Variants in ASPH observed in about 807,000 individuals in gnomAD.
ASPH encodes the protein aspartate beta-hydroxylase, also known as aspartyl/asparaginyl beta-hydroxylase.
In ASPH, 100 loss-of-function variants were observed where a neutral mutation model predicts 118.4. That is an observed-to-expected ratio of 0.84 (90% CI 0.72 to 1.00). ASPH has a LOEUF of 1.00. Among genes scored for constraint, ASPH ranks in the 50% least tolerant of loss-of-function variants. The pLI is 0.00. For synonymous variants in ASPH, 315 were observed against 325.6 expected (o/e 0.97, Z 0.35); for missense variants, 920 against 919.5 (o/e 1.00, Z -0.01).
rs994567903 is a variant in ASPH at position 61,501,650 on chromosome 8, T to C, written c.*1709A>G. 1 of 152,196 alleles carries C rather than the reference T, an allele frequency of 6.6e-6. No individual in the cohort carries two copies. The highest frequency in any genetic ancestry group is 2.4e-5 in the African/African-American group (1 of 41,454). 9.4% of individuals were successfully genotyped at this position (152,196 alleles called of 1,614,324 possible). A position where few individuals can be genotyped will look rare whatever the true frequency, so the allele number is the denominator to read the frequency against. On this transcript the variant is annotated 3_prime_UTR_variant, in exon 25 of 25. Transcript: ENST00000379454. ...AAACACCTTTTTACTTTTCAAGAGT[T>C]TGCCTTCTCTTCTCGATTTTAGTAA...
At chr8:61,605,186 T>C (rs561363605) in intron 14 of ASPH, among the ~76,000 whole-genome samples, 24 of 152,202 alleles carry the variant, frequency 1.6e-4, no homozygotes, top group South Asian at 8.3e-4. Context: ...CTTAAAGACA[T>C]TGGAATGTCA....
intron 14 of ASPH, among the ~76,000 whole-genome samples, chr8:61,601,085 A>G (rs1441394714): frequency 1.3e-5 from 2 of 151,366 alleles, no homozygotes; most frequent in Non-Finnish European, 2.9e-5. Flanking sequence ...CAGAACTTTA[A>G]AATCCATGAA....
At chr8:61,709,880 G>A (rs1290496740) in intron 1 of ASPH, among the ~76,000 whole-genome samples, 1 of 152,200 alleles carries the variant, frequency 6.6e-6, no homozygotes, top group Non-Finnish European at 1.5e-5. Context: ...TACACCTCCA[G>A]AAGCTGAGAG....
intron 21 of ASPH, among the ~76,000 whole-genome samples, chr8:61,546,249 C>T (rs1340662838): frequency 6.6e-6 from 1 of 152,166 alleles, no homozygotes; most frequent in African/African-American, 2.4e-5. Context: ...CGAAGTCTGC[C>T]CTACTGCTAG....
At chr8:61,588,183 T>C (rs1840025404) in intron 14 of ASPH, among the ~76,000 whole-genome samples, 1 of 152,230 alleles carries the variant, frequency 6.6e-6, no homozygotes, top group African/African-American at 2.4e-5. Flanking sequence ...TTGTTTTGTT[T>C]TTAAATCACT....
chr8:61,602,078 G>A (rs1222111366), intron 14 of ASPH, among the ~76,000 whole-genome samples: 1 of 151,276 alleles, frequency 6.6e-6, no homozygotes, highest in Non-Finnish European at 1.5e-5. Flanking sequence ...TTCTTAAAGA[G>A]AAGGGGTTGT....
intron 3 of ASPH, chr8:61,663,826 G>A (rs1370906274): frequency 9.2e-6 from 9 of 981,326 alleles, no homozygotes; most frequent in South Asian, 9.4e-5. Flanking sequence ...ACTAAATGTC[G>A]TAAAGTATTT....
Position 61,665,189 on chromosome 8 carries a change from C to CT in ASPH, c.323-11530dup, listed in dbSNP as rs1818901723. ...TCAGAGCAATATTACATTTTCCATG[C>CT]TTTTTTGTAACAAACTGCAATCTGG... On this transcript the variant is annotated intron_variant, in intron 3 of 24. Transcript: ENST00000379454. 1.1e-5 allele frequency: 17 copies of CT among 1,518,892 alleles called. No individual in the cohort carries two copies. In the South Asian group the frequency reaches 2.3e-4, roughly 21 times the overall value. 94.1% of individuals were successfully genotyped at this position (1,518,892 alleles called of 1,614,324 possible).
intron 21 of ASPH, among the ~76,000 whole-genome samples, chr8:61,533,761 T>C (rs1818446365): frequency 6.6e-6 from 1 of 152,212 alleles, no homozygotes; most frequent in Admixed American, 6.5e-5. Context: ...GTTTCTGCTG[T>C]CTTAGATCTG....
At position 61,680,972 on chromosome 8, in the gene ASPH, TA is replaced by T; in HGVS notation, c.317del (p.Leu106TyrfsTer2). On this transcript the variant is annotated frameshift_variant, in exon 3 of 25. Coordinates refer to ENST00000379454, the MANE Select transcript of ASPH (RefSeq NM_004318.4). LOFTEE classifies it high-confidence loss of function. The part of the protein sequence containing the change: ...GDFDVDDAKV[L>X]LGLKERSTSE... ...AAACATAAAATGTGTACTTGCCTAA[TA>T]AAACTTTGGCATCATCCACATCAAA... 6.2e-7 allele frequency: 1 copy of T among 1,601,028 alleles called. No individual in the cohort carries two copies. The highest frequency in any genetic ancestry group is 8.5e-7 in the Non-Finnish European group (1 of 1,173,464).
rs1410731110 is a variant in ASPH at position 61,517,786 on chromosome 8, A to G, written c.1993-125T>C. 5 of 1,312,722 alleles carry G rather than the reference A, an allele frequency of 3.8e-6. No homozygotes were observed. The African/African-American group carries it at 6.0e-5, about 16-fold the overall frequency. The allele number at this position is 1,312,722 out of a possible 1,614,324, so 81.3% of individuals were successfully genotyped here. A position where few individuals can be genotyped will look rare whatever the true frequency, so the allele number is the denominator to read the frequency against. On this transcript the variant is annotated intron_variant, in intron 23 of 24. Transcript: ENST00000379454. ...AGCCTTTGTAAGATTTAATATTTAT[A>G]TTCAAGTCTTATTTCTTTGTGAAGG...
At chr8:61,556,425 T>C (rs950661591) in intron 18 of ASPH, among the ~76,000 whole-genome samples, 2 of 152,212 alleles carry the variant, frequency 1.3e-5, no homozygotes, top group African/African-American at 4.8e-5. Context: ...TTATTAGACA[T>C]CACTTCATAT....
At chr8:61,571,153 C>A (rs1218244722) in intron 16 of ASPH, among the ~76,000 whole-genome samples, 2 of 152,086 alleles carry the variant, frequency 1.3e-5, no homozygotes, top group Non-Finnish European at 1.5e-5. Flanking sequence ...CTTGAAGTTT[C>A]CTTTAAATTA....
At chr8:61,561,101 AGGGAGGGAGGGAGGGAGGGAGGG>A (rs1563821655) in intron 18 of ASPH, among the ~76,000 whole-genome samples, 5 of 29,142 alleles carry the variant, frequency 1.7e-4, no homozygotes, top group African/African-American at 6.6e-4. Flanking sequence ...GGAGGGAGAG[AGGGAGGGAGGGAGGGAGGGAGGG>A]AGGGAGGGAG....
At chr8:61,688,479 G>A (rs1048032118) in intron 1 of ASPH, among the ~76,000 whole-genome samples, 2 of 152,104 alleles carry the variant, frequency 1.3e-5, no homozygotes, top group African/African-American at 4.8e-5. Flanking sequence ...TATTTATTTG[G>A]TTGAGGAAAG....
chr8:61,656,449 T>C (rs1813729264), intron 3 of ASPH: 1 of 152,228 alleles, frequency 6.6e-6, no homozygotes, highest in South Asian at 2.1e-4. Flanking sequence ...TGCTTCTTTC[T>C]TAGGCTTGAG....
intron 4 of ASPH, among the ~76,000 whole-genome samples, chr8:61,652,572 T>G (rs566048905): frequency 6.6e-6 from 1 of 152,344 alleles, no homozygotes; most frequent in Admixed American, 6.5e-5. Context: ...AATAGTGGAT[T>G]CTTCTTTCAA....
At chr8:61,514,859 C>A (rs951936894) in intron 24 of ASPH, among the ~76,000 whole-genome samples, 1 of 151,956 alleles carries the variant, frequency 6.6e-6, no homozygotes, top group African/African-American at 2.4e-5. Flanking sequence ...AACCACCTTG[C>A]CTGGTCCTAA....
At position 61,556,098 on chromosome 8, in the gene ASPH, T is replaced by A. The variant is rs1827767247; in HGVS notation, c.1438-76A>T. ...GCTTAGAAAATTCTACAGATGACTG[T>A]CAAAACCAGTTTTAATTAGCTTTGT... On this transcript the variant is annotated intron_variant, in intron 18 of 24. Coordinates refer to ENST00000379454, the MANE Select transcript of ASPH (RefSeq NM_004318.4). 5 of 1,255,816 alleles carry A rather than the reference T, an allele frequency of 4.0e-6. No homozygotes were observed. In the African/African-American group the frequency reaches 6.0e-5, roughly 15 times the overall value. The allele number at this position is 1,255,816 out of a possible 1,614,324, so 77.8% of individuals were successfully genotyped here.
Sources: allele counts gnomAD v4.1 joint callset (sites outside exome capture counted in the v4.1 genomes callset), GRCh38; gene constraint gnomAD v4.1.1; transcripts MANE v1.5; gene names NCBI Gene and HGNC (gene_info 2026-07-23, HGNC 2026-07-21).